SMIM14: variants seen among roughly 807,000 people sequenced by gnomAD.
The protein encoded by SMIM14 is chromosome 4 open reading frame 34.
SMIM14 carries 5 observed loss-of-function variants against 12.6 expected under a neutral mutation model. The ratio of observed to expected loss-of-function variants is 0.40; its 90% CI spans 0.21 to 0.83. The LOEUF (loss-of-function observed/expected upper bound fraction) is 0.83. Among genes scored for constraint, SMIM14 ranks in the 40% least tolerant of loss-of-function variants. The pLI, the probability that SMIM14 is intolerant of heterozygous loss-of-function variation, is 0.37. For missense variants in SMIM14, 86 were observed against 119.1 expected (o/e 0.72, Z 1.29); for synonymous variants, 30 against 40.1 (o/e 0.75, Z 0.95).
At chr4:39,603,284 C>G (rs1051807034) in intron 2 of SMIM14, among the ~76,000 whole-genome samples, 1 of 152,138 alleles carries the variant, frequency 6.6e-6, no homozygotes, top group African/African-American at 2.4e-5. Context: ...TATAGCTGGG[C>G]GCGGTGGCTC....
At chr4:39,613,302 G>T (rs1278910984) in intron 1 of SMIM14, among the ~76,000 whole-genome samples, 5 of 152,160 alleles carry the variant, frequency 3.3e-5, no homozygotes, top group Admixed American at 2.0e-4. Flanking sequence ...TTATACTTCA[G>T]TCTTAATTAG....
At chr4:39,627,756 AC>A (rs1168719281) in intron 1 of SMIM14, among the ~76,000 whole-genome samples, 1 of 152,142 alleles carries the variant, frequency 6.6e-6, no homozygotes, top group African/African-American at 2.4e-5. Flanking sequence ...TTGGTCTCTC[AC>A]CTACTAATGT....
intron 2 of SMIM14, among the ~76,000 whole-genome samples, chr4:39,602,659 A>G (rs1714662247): frequency 6.6e-6 from 1 of 152,170 alleles, no homozygotes; most frequent in Non-Finnish European, 1.5e-5. Flanking sequence ...CCTTAGACTC[A>G]TCTATTTTTA....
intron 2 of SMIM14, among the ~76,000 whole-genome samples, chr4:39,598,419 CT>C (rs1714463070): frequency 6.6e-6 from 1 of 152,152 alleles, no homozygotes; most frequent in African/African-American, 2.4e-5. Context: ...GATTGTTTTA[CT>C]GCTTACCTCC....
chr4:39,578,945 C>T (rs1213108239), intron 2 of SMIM14, among the ~76,000 whole-genome samples: 1 of 143,262 alleles, frequency 7.0e-6, no homozygotes, highest in Non-Finnish European at 1.5e-5. Context: ...TGCAGTGAGC[C>T]GAGATCATAC....
chr4:39,615,936 TA>T (rs1715206380), intron 1 of SMIM14, among the ~76,000 whole-genome samples: 1 of 152,168 alleles, frequency 6.6e-6, no homozygotes, highest in Non-Finnish European at 1.5e-5. Flanking sequence ...TAAAAAACTA[TA>T]AAGAACCCAA....
chr4:39,598,493 T>C (rs913771410), intron 2 of SMIM14, among the ~76,000 whole-genome samples: 1 of 152,152 alleles, frequency 6.6e-6, no homozygotes, highest in East Asian at 1.9e-4. Context: ...TAAATACCCA[T>C]AGATGTACCA....
At chr4:39,620,812 A>G (rs1202199145) in intron 1 of SMIM14, among the ~76,000 whole-genome samples, 1 of 152,244 alleles carries the variant, frequency 6.6e-6, no homozygotes, top group Non-Finnish European at 1.5e-5. Context: ...TGGTCCTGGC[A>G]GGAATAAACA....
At chr4:39,564,617 C>T (rs1214460150) in intron 3 of SMIM14, among the ~76,000 whole-genome samples, 1 of 152,088 alleles carries the variant, frequency 6.6e-6, no homozygotes, top group African/African-American at 2.4e-5. Flanking sequence ...TTCAGATTAG[C>T]GTTTTTTAGA....
At chr4:39,564,425 C>T (rs1177512693) in intron 3 of SMIM14, among the ~76,000 whole-genome samples, 1 of 152,152 alleles carries the variant, frequency 6.6e-6, no homozygotes, top group South Asian at 2.1e-4. Flanking sequence ...TGAGAGCTGA[C>T]ATCATGCTCA....
At chr4:39,555,600 A>G (rs1711970503) in intron 4 of SMIM14, among the ~76,000 whole-genome samples, 1 of 152,220 alleles carries the variant, frequency 6.6e-6, no homozygotes, top group Non-Finnish European at 1.5e-5. Context: ...GTTTTAATTT[A>G]GAAGGTTCTA....
At chr4:39,637,577 G>A (rs185262912) in intron 1 of SMIM14, among the ~76,000 whole-genome samples, 6 of 150,848 alleles carry the variant, frequency 4.0e-5, no homozygotes, top group Non-Finnish European at 8.8e-5. Context: ...GGGGTGAAGC[G>A]GTGTTCTTAA....
intron 3 of SMIM14, among the ~76,000 whole-genome samples, chr4:39,569,627 C>T (rs1712777060): frequency 6.6e-6 from 1 of 151,994 alleles, no homozygotes; most frequent in South Asian, 2.1e-4. Flanking sequence ...ATCCCAGCTA[C>T]TTGGGAGGTT....
chr4:39,582,937 C>A lies in SMIM14; in HGVS notation c.76-10474G>T, dbSNP rs186804431. On this transcript the variant is annotated intron_variant, in intron 2 of 4. Coordinates refer to ENST00000295958, the MANE Select transcript of SMIM14 (RefSeq NM_174921.3). ...CCTCCCAAGTAGCTGGGATTACAGG[C>A]ACCCACCATCACACCCGGCTAATTT... Among the ~76,000 whole-genome samples the A allele has an allele frequency of 7.6e-4, 116 of 152,112 alleles. 1 individual carries two copies. The East Asian group carries it at 0.021, about 28-fold the overall frequency.
chr4:39,581,224 G>A (rs1345882288), intron 2 of SMIM14, among the ~76,000 whole-genome samples: 3 of 152,020 alleles, frequency 2.0e-5, no homozygotes, highest in African/African-American at 4.8e-5. Context: ...CCAACAAAAT[G>A]TTTTTTAAAT....
rs1432369898 is a variant in SMIM14, at chr4:39,581,518, C to CTT, written c.76-9057_76-9056dup. On this transcript the variant is annotated intron_variant, in intron 2 of 4. Transcript: ENST00000295958. ...TTTTCGTTTTTTTCCTTTTCTTTTT[C>CTT]TTTTTTTTTTTTTTTGAGACAGGGT... Among the ~76,000 whole-genome samples, 253 of 132,060 alleles carry CTT rather than the reference C, an allele frequency of 1.9e-3. 1 individual carries two copies. The highest frequency in any genetic ancestry group is 5.8e-3 in the African/African-American group (214 of 36,776). 86.6% of individuals were successfully genotyped at this position (132,060 alleles called of 152,430 possible). A position where few individuals can be genotyped will look rare whatever the true frequency, so the allele number is the denominator to read the frequency against.
chr4:39,580,402 A>G (rs1260008694), intron 2 of SMIM14, among the ~76,000 whole-genome samples: 1 of 151,924 alleles, frequency 6.6e-6, no homozygotes, highest in African/African-American at 2.4e-5. Context: ...CTGTTCTCCA[A>G]CTTCTAGGCT....
chr4:39,638,861 T>C lies in SMIM14; in HGVS notation c.-158A>G, dbSNP rs1716210358. On this transcript the variant is annotated 5_prime_UTR_variant, in exon 1 of 5. Transcript: ENST00000295958. Reference sequence around the variant, plus strand: ...CGGACGCTGCTGCCACTGCCGTTTCTGGCCGCCGGCTTCCTCCCCCTCCTC... The same window carrying C: ...CGGACGCTGCTGCCACTGCCGTTTCCGGCCGCCGGCTTCCTCCCCCTCCTC... 3 of 985,666 alleles carry C rather than the reference T, an allele frequency of 3.0e-6. No homozygotes were observed. Among genetic ancestry groups the C allele is most frequent in the Non-Finnish European group, 3.6e-6 (3 of 830,216 alleles). 61.1% of individuals were successfully genotyped at this position (985,666 alleles called of 1,614,324 possible). A position where few individuals can be genotyped will look rare whatever the true frequency, so the allele number is the denominator to read the frequency against.
chr4:39,579,843 CAA>C (rs528601041), intron 2 of SMIM14, among the ~76,000 whole-genome samples: 2 of 123,920 alleles, frequency 1.6e-5, no homozygotes, highest in African/African-American at 3.1e-5. Flanking sequence ...GACTCCGTCT[CAA>C]AAAAAAAAAA....
Sources: gnomAD v4.1 joint callset for allele counts (sites outside exome capture counted in the v4.1 genomes callset) on GRCh38, gnomAD v4.1.1 for gene constraint, MANE v1.5 for transcripts, NCBI Gene and HGNC (gene_info 2026-07-23, HGNC 2026-07-21) for gene names.